FAM81B: variants seen among roughly 807,000 people sequenced by gnomAD.
FAM81B encodes family with sequence similarity 81 member B, also known as protein FAM81B.
Under a neutral mutation model 58.7 loss-of-function variants are expected in FAM81B, and 60 were observed. That is an observed-to-expected ratio of 1.02 (90% confidence interval 0.83 to 1.27). The LOEUF is 1.27. FAM81B is among the 50% of genes most tolerant of loss of function. FAM81B has a pLI of 0.00. For missense variants in FAM81B, 491 were observed against 522.0 expected (o/e 0.94, Z 0.58); for synonymous variants, 189 against 179.6 (o/e 1.05, Z -0.42).
At chr5:95,403,852 A>G (rs1762175519) in intron 3 of FAM81B, among the ~76,000 whole-genome samples, 1 of 152,140 alleles carries the variant, frequency 6.6e-6, no homozygotes, top group Admixed American at 6.5e-5. Flanking sequence ...ACCATAACCA[A>G]TTGCATCTCA....
intron 5 of FAM81B, among the ~76,000 whole-genome samples, chr5:95,426,802 A>G (rs1275036482): frequency 6.6e-6 from 1 of 152,108 alleles, no homozygotes; most frequent in African/African-American, 2.4e-5. Context: ...TAATCCCAGC[A>G]CTTTGGGAGG....
chr5:95,423,473 C>T (rs1012815455), intron 5 of FAM81B, among the ~76,000 whole-genome samples: 11 of 150,350 alleles, frequency 7.3e-5, no homozygotes, highest in African/African-American at 2.5e-4. Context: ...ACTTACAATC[C>T]GTAGCCGCAG....
chr5:95,413,216 C>T (rs528825010), intron 3 of FAM81B, among the ~76,000 whole-genome samples: 1 of 152,310 alleles, frequency 6.6e-6, no homozygotes, highest in Admixed American at 6.5e-5. Context: ...ACACTCAAAA[C>T]ATTGAGAATA....
Position 95,392,829 on chromosome 5 carries a change from A to G in FAM81B, c.160A>G (p.Thr54Ala), listed in dbSNP as rs1761862984. ...NVNKSASPTATAEEQPVEPDG... is the reference protein window; with the variant it reads ...NVNKSASPTAAAEEQPVEPDG... ...AAACAAAAGTGCCTCTCCAACTGCG[A>G]CTGCAGAGGAACAGCCAGTTGAACC... Residue 54 changes from threonine to alanine, a missense_variant, in exon 2 of 10, where the codon ACT (threonine) becomes GCT (alanine). By Grantham distance (58) the Thr-to-Ala change is moderately conservative. Coordinates refer to ENST00000283357, the MANE Select transcript of FAM81B (RefSeq NM_152548.3). The G allele has an allele frequency of 1.2e-6, 2 of 1,612,288 alleles. No homozygotes were observed. The highest frequency in any genetic ancestry group is 1.1e-5 in the South Asian group (1 of 90,610).
chr5:95,438,980 T>G (rs1236304244), intron 7 of FAM81B, among the ~76,000 whole-genome samples: 1 of 150,874 alleles, frequency 6.6e-6, no homozygotes, highest in Non-Finnish European at 1.5e-5. Context: ...TCTATACCTA[T>G]TACTCAATTA....
chr5:95,404,502 G>GA (rs955759543), intron 3 of FAM81B, among the ~76,000 whole-genome samples: 85 of 135,738 alleles, frequency 6.3e-4, no homozygotes, highest in African/African-American at 5.7e-4. Flanking sequence ...TATTCAATTT[G>GA]AAAAAAAAAA....
At chr5:95,443,827 G>C (rs1470219757) in intron 7 of FAM81B, among the ~76,000 whole-genome samples, 1 of 152,072 alleles carries the variant, frequency 6.6e-6, no homozygotes, top group Non-Finnish European at 1.5e-5. Flanking sequence ...CATTCTTTAT[G>C]GCTTTAATTT....
chr5:95,401,607 C>G (rs1762116066), intron 3 of FAM81B, among the ~76,000 whole-genome samples: 1 of 151,842 alleles, frequency 6.6e-6, no homozygotes, highest in Non-Finnish European at 1.5e-5. Context: ...TTGTAGGACT[C>G]TCTGCACTCA....
intron 4 of FAM81B, among the ~76,000 whole-genome samples, chr5:95,415,585 A>G (rs1391960840): frequency 1.3e-5 from 2 of 152,222 alleles, no homozygotes; most frequent in South Asian, 4.1e-4. Context: ...TCCATGCATA[A>G]TGAAGTATCA....
chr5:95,433,366 T>A (rs1394834281), intron 6 of FAM81B, among the ~76,000 whole-genome samples: 1 of 152,148 alleles, frequency 6.6e-6, no homozygotes, highest in African/African-American at 2.4e-5. Flanking sequence ...TCACTCACTA[T>A]AATGAGAATA....
intron 3 of FAM81B, among the ~76,000 whole-genome samples, chr5:95,404,498 A>T (rs1031311241): frequency 6.6e-6 from 1 of 151,726 alleles, no homozygotes; most frequent in Non-Finnish European, 1.5e-5. Context: ...GAAATATTCA[A>T]TTTGAAAAAA....
intron 6 of FAM81B, among the ~76,000 whole-genome samples, chr5:95,433,271 G>A (rs1199126238): frequency 6.6e-6 from 1 of 152,062 alleles, no homozygotes; most frequent in Admixed American, 6.6e-5. Flanking sequence ...GGTAGCAAAG[G>A]CATGTTTTAC....
Position 95,413,736 on chromosome 5 carries a change from C to A in FAM81B, c.294-211C>A, listed in dbSNP as rs540224275. 1.1e-4 allele frequency among the ~76,000 whole-genome samples: 16 copies of A among 152,346 alleles called. No individual in the cohort carries two copies. The South Asian group carries it at 3.3e-3, about 32-fold the overall frequency. On this transcript the variant is annotated intron_variant, in intron 3 of 9. Transcript: ENST00000283357. ...CATGAATGCCTCTACCCACTCCTAACTACCACCAATTGGCTTGAAGCATGA... is the reference window on the plus strand; with the variant it reads ...CATGAATGCCTCTACCCACTCCTAAATACCACCAATTGGCTTGAAGCATGA...
chr5:95,396,204 A>C, intron 3 of FAM81B, 29 bp downstream of exon 3: 1 of 1,509,318 alleles, frequency 6.6e-7, no homozygotes, highest in Admixed American at 2.0e-5. Context: ...ACTAGTTTTA[A>C]CTATTAACTG....
chr5:95,419,872 T>A (rs552695260), intron 4 of FAM81B, among the ~76,000 whole-genome samples: 74 of 152,370 alleles, frequency 4.9e-4, no homozygotes, highest in African/African-American at 1.7e-3. Context: ...GCACCAATTG[T>A]GAAATACATT....
At chr5:95,432,248 CATT>C (rs1344713454) in intron 6 of FAM81B, among the ~76,000 whole-genome samples, 11 of 152,172 alleles carry the variant, frequency 7.2e-5, no homozygotes, top group African/African-American at 2.2e-4. Context: ...AAATTACACT[CATT>C]ATGATGTATT....
intron 7 of FAM81B, among the ~76,000 whole-genome samples, chr5:95,441,084 C>T (rs868002211): frequency 6.6e-5 from 10 of 152,134 alleles, no homozygotes; most frequent in African/African-American, 1.2e-4. Context: ...AATTGAAACC[C>T]GAGACGATGG....
intron 5 of FAM81B, among the ~76,000 whole-genome samples, chr5:95,424,732 G>A (rs1051053456): frequency 6.6e-6 from 1 of 152,206 alleles, no homozygotes; most frequent in Non-Finnish European, 1.5e-5. Flanking sequence ...CTAGGGAGAG[G>A]AACTGAGAGA....
At chr5:95,433,598 A>G (rs116227819) in intron 6 of FAM81B, among the ~76,000 whole-genome samples, 1 of 152,260 alleles carries the variant, frequency 6.6e-6, no homozygotes, top group African/African-American at 2.4e-5. Flanking sequence ...AAAAATTTTA[A>G]TATATGTAAG....
Sources: gnomAD v4.1 joint callset for allele counts (sites outside exome capture counted in the v4.1 genomes callset) on GRCh38, gnomAD v4.1.1 for gene constraint, MANE v1.5 for transcripts, NCBI Gene and HGNC (gene_info 2026-07-23, HGNC 2026-07-21) for gene names.